The following TAF3 variants were observed in gnomAD, a reference collection of about 807,000 sequenced individuals.
The protein encoded by TAF3 is transcription initiation factor TFIID subunit 3.
Under a neutral mutation model 80.6 loss-of-function variants are expected in TAF3, and 7 were observed. That is an observed-to-expected ratio of 0.09 (90% confidence interval 0.05 to 0.16). The LOEUF (loss-of-function observed/expected upper bound fraction) is 0.16, where lower values mean the gene tolerates loss of function less well. TAF3 is among the 10% of genes least tolerant of loss of function. The pLI is 1.00. For missense variants in TAF3, 921 were observed against 1,140.2 expected (o/e 0.81, Z 2.77); for synonymous variants, 444 against 446.1 (o/e 1.00, Z 0.06).
Position 8,014,993 on chromosome 10 carries a change from G to A in TAF3, c.*242G>A. On this transcript the variant is annotated 3_prime_UTR_variant, in exon 7 of 7. Transcript: ENST00000344293. Reference sequence around the variant, plus strand: ...CAAGCAGAGGCGTGGCCTGGGGGCTGCCCCTCCTCCACTTCTCTAATACCA... The same window carrying A: ...CAAGCAGAGGCGTGGCCTGGGGGCTACCCCTCCTCCACTTCTCTAATACCA... The A allele has an allele frequency of 1.3e-5, 5 of 373,808 alleles. No homozygotes were observed. Among genetic ancestry groups the A allele is most frequent in the South Asian group, 3.7e-5 (1 of 27,396 alleles). The allele number at this position is 373,808 out of a possible 1,614,324, so 23.2% of individuals were successfully genotyped here.
intron 2 of TAF3, among the ~76,000 whole-genome samples, chr10:7,955,473 AAAGTTT>A (rs1838126100): frequency 6.6e-6 from 1 of 152,222 alleles, no homozygotes; most frequent in African/African-American, 2.4e-5. Flanking sequence ...TCCTTTGCTT[AAAGTTT>A]AAGAATACAA....
chr10:7,933,098 C>A (rs1481627420), intron 2 of TAF3, among the ~76,000 whole-genome samples: 5 of 148,616 alleles, frequency 3.4e-5, no homozygotes, highest in African/African-American at 7.6e-5. Flanking sequence ...ATAAAGCAAA[C>A]AAAAAAAAAA....
intron 4 of TAF3, among the ~76,000 whole-genome samples, chr10:8,007,606 A>G (rs902756159): frequency 6.2e-4 from 36 of 58,454 alleles, no homozygotes; most frequent in Middle Eastern, 0.012. Context: ...ATATATATAT[A>G]TATACCTTTT....
chr10:7,940,069 C>A (rs1389991079), intron 2 of TAF3, among the ~76,000 whole-genome samples: 2 of 152,032 alleles, frequency 1.3e-5, no homozygotes, highest in African/African-American at 4.8e-5. Context: ...TATGTGCTTG[C>A]CAGTCACATA....
intron 4 of TAF3, among the ~76,000 whole-genome samples, chr10:8,008,326 C>T (rs937399251): frequency 3.3e-5 from 5 of 151,878 alleles, no homozygotes; most frequent in Non-Finnish European, 7.4e-5. Flanking sequence ...CTTGAACTCT[C>T]GACCTCAGGT....
intron 5 of TAF3, among the ~76,000 whole-genome samples, chr10:8,013,416 T>C (rs1832072415): frequency 6.6e-6 from 1 of 152,190 alleles, no homozygotes; most frequent in Non-Finnish European, 1.5e-5. Context: ...TATAGTTTTT[T>C]TTTTTATGAA....
At chr10:7,858,425 C>G (rs774417691) in intron 2 of TAF3, among the ~76,000 whole-genome samples, 11 of 152,182 alleles carry the variant, frequency 7.2e-5, no homozygotes, top group Non-Finnish European at 1.2e-4. Flanking sequence ...TCGTTTATGT[C>G]AGCTAGGCTA....
chr10:7,948,601 T>C (rs1838050360), intron 2 of TAF3, among the ~76,000 whole-genome samples: 1 of 152,188 alleles, frequency 6.6e-6, no homozygotes, highest in Admixed American at 6.5e-5. Flanking sequence ...GGTCTCCTAG[T>C]GTGTTGGGTG....
At chr10:8,005,841 C>T (rs1831985729) in intron 4 of TAF3, among the ~76,000 whole-genome samples, 1 of 152,184 alleles carries the variant, frequency 6.6e-6, no homozygotes, top group South Asian at 2.1e-4. Flanking sequence ...GTAAGGCAAA[C>T]CTCAGTACAC....
intron 2 of TAF3, among the ~76,000 whole-genome samples, chr10:7,952,971 A>G (rs1277530654): frequency 6.6e-6 from 1 of 152,208 alleles, no homozygotes; most frequent in East Asian, 1.9e-4. Flanking sequence ...AGATATAATG[A>G]TGAAGTGGAT....
intron 2 of TAF3, among the ~76,000 whole-genome samples, chr10:7,844,426 G>A (rs1197147055): frequency 1.4e-5 from 2 of 146,438 alleles, no homozygotes; most frequent in Non-Finnish European, 3.0e-5. Flanking sequence ...CACCAGGCTG[G>A]AGTGCAGTGG....
At position 7,886,939 on chromosome 10, in the gene TAF3, A is replaced by C. The variant is rs376694502; in HGVS notation, c.409+62379A>C. Among the ~76,000 whole-genome samples the C allele has an allele frequency of 2.0e-5, 3 of 152,264 alleles. No homozygotes were observed. The East Asian group carries it at 5.8e-4, about 29-fold the overall frequency. ...TGTTATCTTTTATATTTAAGTGATA[A>C]GAGCTAGTTAAGAGGGCCAGGCACG... On this transcript the variant is annotated intron_variant, in intron 2 of 6. Transcript: ENST00000344293.
At chr10:7,942,725 T>C (rs1293152018) in intron 2 of TAF3, among the ~76,000 whole-genome samples, 2 of 152,138 alleles carry the variant, frequency 1.3e-5, no homozygotes, top group African/African-American at 2.4e-5. Flanking sequence ...CCATCCCAAG[T>C]GGGCAGCCGA....
At chr10:7,870,001 T>C (rs902617557) in intron 2 of TAF3, among the ~76,000 whole-genome samples, 14 of 152,224 alleles carry the variant, frequency 9.2e-5, no homozygotes, top group African/African-American at 3.4e-4. Flanking sequence ...TTTAAATTTA[T>C]TTTTAGGGAT....
chr10:7,962,834 G>A (rs1831523409), intron 2 of TAF3, among the ~76,000 whole-genome samples: 1 of 152,160 alleles, frequency 6.6e-6, no homozygotes, highest in Admixed American at 6.5e-5. Flanking sequence ...AGCTCTTTTA[G>A]TTGTGATTTA....
intron 4 of TAF3, among the ~76,000 whole-genome samples, chr10:7,998,849 AG>A (rs1200406081): frequency 1.8e-3 from 266 of 151,888 alleles, no homozygotes; most frequent in Middle Eastern, 0.01. Context: ...AAAAAAAAAA[AG>A]AAAAAAAAAG....
intron 2 of TAF3, among the ~76,000 whole-genome samples, chr10:7,827,233 C>A (rs550046204): frequency 6.6e-6 from 1 of 152,276 alleles, no homozygotes; most frequent in African/African-American, 2.4e-5. Flanking sequence ...TTCTGGTCTT[C>A]CCAAGTCACT....
Position 7,837,414 on chromosome 10 carries a change from G to A in TAF3, c.409+12854G>A, listed in dbSNP as rs551698880. Among the ~76,000 whole-genome samples the A allele has an allele frequency of 1.2e-4, 18 of 151,382 alleles. 1 individual carries two copies. The highest frequency in any genetic ancestry group is 4.4e-5 in the Non-Finnish European group (3 of 67,954). ...TTTCAGCACTTTGAGAGGTTGAGGC[G>A]GGCTGATCACTTGAGGCCAGGAGTT... On this transcript the variant is annotated intron_variant, in intron 2 of 6. Coordinates refer to ENST00000344293, the MANE Select transcript of TAF3 (RefSeq NM_031923.4).
intron 2 of TAF3, among the ~76,000 whole-genome samples, chr10:7,859,577 G>A (rs1165260014): frequency 1.3e-5 from 2 of 152,148 alleles, no homozygotes; most frequent in East Asian, 1.9e-4. Context: ...TGTCTTTGCT[G>A]TTGATAAAGA....
Sources: allele counts gnomAD v4.1 joint callset (sites outside exome capture counted in the v4.1 genomes callset), GRCh38; gene constraint gnomAD v4.1.1; transcripts MANE v1.5; gene names NCBI Gene and HGNC (gene_info 2026-07-23, HGNC 2026-07-21).